TANC2: variants seen among roughly 807,000 people sequenced by gnomAD.
TANC2 encodes the protein protein TANC2.
A neutral mutation model predicts 210.5 loss-of-function variants in TANC2; 26 were observed. The ratio of observed to expected loss-of-function variants is 0.12; its 90% CI spans 0.09 to 0.17. The LOEUF is 0.17. Among genes scored for constraint, TANC2 ranks in the 10% least tolerant of loss-of-function variants. The pLI, the probability that TANC2 is intolerant of heterozygous loss-of-function variation, is 1.00. For synonymous variants in TANC2, 931 were observed against 967.1 expected, an observed-to-expected ratio of 0.96 and a Z score of 0.69; for missense variants, 2,129 against 2,608.9, an observed-to-expected ratio of 0.82 and a Z score of 4.01.
chr17:63,314,357 C>G (rs772878165), intron 9 of TANC2, 31 bp from the exon 10 acceptor site: 1 of 1,606,436 alleles, frequency 6.2e-7, no homozygotes, highest in Non-Finnish European at 8.5e-7. Flanking sequence ...GACAGTTTGA[C>G]CTAAGTTCTG....
In TANC2 at chr17:63,027,848, T is replaced by C. The variant is rs2034618091; in HGVS notation, c.67+18222T>C. Among the ~76,000 whole-genome samples the C allele has an allele frequency of 1.3e-5, 2 of 152,146 alleles. 1 individual carries two copies. The highest frequency in any genetic ancestry group is 4.8e-5 in the African/African-American group (2 of 41,444). On this transcript the variant is annotated intron_variant, in intron 2 of 27. Coordinates refer to ENST00000689528, the Ensembl canonical transcript of TANC2. ...GGAAGCATCTTTCTTACATATTTTA[T>C]TCCTTACGTTAAAGAAACTCAGTAA... is the stretch of plus-strand genomic sequence containing the variant.
At chr17:62,972,912 A>G (rs915219654) in intron 1 of TANC2, among the ~76,000 whole-genome samples, 1 of 151,982 alleles carries the variant, frequency 6.6e-6, no homozygotes, top group Non-Finnish European at 1.5e-5. Context: ...CACAGCCATC[A>G]TGCGTTAGCC....
intron 9 of TANC2, among the ~76,000 whole-genome samples, chr17:63,294,506 C>T (rs980405516): frequency 1.3e-5 from 2 of 151,980 alleles, no homozygotes; most frequent in African/African-American, 2.4e-5. Flanking sequence ...AACTGCCTTC[C>T]CAAGTTTATC....
At chr17:63,124,902 C>T (rs1043910076) in intron 4 of TANC2, among the ~76,000 whole-genome samples, 2 of 152,180 alleles carry the variant, frequency 1.3e-5, no homozygotes, top group African/African-American at 4.8e-5. Context: ...GGAACAGTTA[C>T]ATCTCAAAAC....
Position 63,208,981 on chromosome 17 carries a change from T to G in TANC2, c.769+8024T>G, listed in dbSNP as rs146445143. 2.2e-3 allele frequency among the ~76,000 whole-genome samples: 328 copies of G among 152,202 alleles called. 5 individuals carry two copies. Among genetic ancestry groups the G allele is most frequent in the Non-Finnish European group, 8.7e-4 (59 of 67,990 alleles). On this transcript the variant is annotated intron_variant, in intron 7 of 27. Coordinates refer to ENST00000689528, the Ensembl canonical transcript of TANC2. ...ACCTATCCTTATATCATGTATTATT[T>G]ATTGATTGATTGATTTCTTCCTAAT...
At chr17:63,277,970 G>A (rs1024955596) in intron 9 of TANC2, among the ~76,000 whole-genome samples, 5 of 152,022 alleles carry the variant, frequency 3.3e-5, no homozygotes, top group Admixed American at 1.3e-4. Flanking sequence ...CTAGGAATTC[G>A]AGACCAGCCT....
chr17:63,359,405 G>A (rs1251076660), intron 14 of TANC2, among the ~76,000 whole-genome samples: 1 of 150,232 alleles, frequency 6.7e-6, no homozygotes, highest in African/African-American at 2.5e-5. Flanking sequence ...GTGCAGTGAT[G>A]CGATTTCACA....
chr17:63,042,183 T>C (rs900752955), intron 2 of TANC2, among the ~76,000 whole-genome samples: 3 of 152,130 alleles, frequency 2.0e-5, no homozygotes, highest in South Asian at 4.1e-4. Flanking sequence ...AAAATTCTTA[T>C]ATTTAAATGG....
At chr17:63,341,538 A>G (rs569529709) in intron 12 of TANC2, among the ~76,000 whole-genome samples, 1 of 152,330 alleles carries the variant, frequency 6.6e-6, no homozygotes, top group East Asian at 1.9e-4. Flanking sequence ...CACACTTACA[A>G]AATAATAAAA....
intron 14 of TANC2, among the ~76,000 whole-genome samples, chr17:63,370,345 A>T (rs1418754657): frequency 6.6e-6 from 1 of 151,576 alleles, no homozygotes; most frequent in Admixed American, 6.6e-5. Context: ...CTCCCGGCTA[A>T]TTTTTTGTAT....
chr17:63,405,319 G>A (rs946463158), intron 20 of TANC2, 64 bp downstream of exon 20: 7 of 1,450,712 alleles, frequency 4.8e-6, no homozygotes, highest in Non-Finnish European at 6.5e-6. Flanking sequence ...GACTTCTGAT[G>A]CACAGAGCAA....
At chr17:63,186,414 G>A (rs923034372) in intron 5 of TANC2, among the ~76,000 whole-genome samples, 14 of 145,946 alleles carry the variant, frequency 9.6e-5, no homozygotes, top group African/African-American at 2.8e-4. Flanking sequence ...GTGCAATGGC[G>A]CAACCTCGGC....
chr17:63,306,722 A>G (rs956965233), intron 9 of TANC2, among the ~76,000 whole-genome samples: 1 of 152,192 alleles, frequency 6.6e-6, no homozygotes. Flanking sequence ...TGGGAGGCCA[A>G]GGTAAGATCA....
chr17:63,362,144 A>G (rs2046978833), intron 14 of TANC2, among the ~76,000 whole-genome samples: 1 of 152,188 alleles, frequency 6.6e-6, no homozygotes, highest in Non-Finnish European at 1.5e-5. Context: ...TGGAATGGGT[A>G]GCTCCTATCT....
chr17:63,222,263 T>C (rs2042213792), intron 7 of TANC2, among the ~76,000 whole-genome samples: 1 of 152,174 alleles, frequency 6.6e-6, no homozygotes, highest in African/African-American at 2.4e-5. Flanking sequence ...CCTTGGGGGT[T>C]AGAATTTCAA....
Position 63,167,508 on chromosome 17 carries a change from G to A in TANC2, c.433+16128G>A, listed in dbSNP as rs116045980. On this transcript the variant is annotated intron_variant, in intron 5 of 27. Coordinates refer to ENST00000689528, the Ensembl canonical transcript of TANC2. ...CTGGCTTAATTTTTGCTTATCTTTAGTTCAGTGGTTCTTAATTTTTATGGT... is the reference window on the plus strand; with the variant it reads ...CTGGCTTAATTTTTGCTTATCTTTAATTCAGTGGTTCTTAATTTTTATGGT... 8.5e-3 allele frequency among the ~76,000 whole-genome samples: 1,295 copies of A among 152,010 alleles called. 16 individuals are homozygous for A. Among genetic ancestry groups the A allele is most frequent in the African/African-American group, 0.029 (1,186 of 41,452 alleles).
At chr17:63,160,791 A>T (rs1045772899) in intron 5 of TANC2, among the ~76,000 whole-genome samples, 2 of 152,144 alleles carry the variant, frequency 1.3e-5, no homozygotes, top group African/African-American at 4.8e-5. Flanking sequence ...ACTTTCACCA[A>T]TACTACATAT....
Position 63,418,146 on chromosome 17 carries a change from A to G in TANC2, c.4168-161A>G, listed in dbSNP as rs1220362271. Among the ~76,000 whole-genome samples the G allele has an allele frequency of 6.6e-6, 1 of 152,270 alleles. No homozygotes were observed. The highest frequency in any genetic ancestry group is 1.5e-5 in the Non-Finnish European group (1 of 68,046). On this transcript the variant is annotated intron_variant, in intron 26 of 27. Coordinates refer to ENST00000689528, the Ensembl canonical transcript of TANC2. This position sits in a 1 kb window ranked among gnomAD's most constrained non-coding sequence, Gnocchi z 4.6. Reference sequence around the variant, plus strand: ...CAGGACAAAGGCAGAAGGAACTTTCAGTCCACAGGCCACGCGGCTTGAGCC... The same window carrying G: ...CAGGACAAAGGCAGAAGGAACTTTCGGTCCACAGGCCACGCGGCTTGAGCC...
At chr17:63,224,451 C>T (rs940857028) in intron 7 of TANC2, among the ~76,000 whole-genome samples, 2 of 152,118 alleles carry the variant, frequency 1.3e-5, no homozygotes, top group African/African-American at 2.4e-5. Flanking sequence ...GAGGTTTCAC[C>T]GTGTTGGCCA....
Sources: gnomAD v4.1 joint callset for allele counts (sites outside exome capture counted in the v4.1 genomes callset) on GRCh38, gnomAD v4.1.1 for gene constraint, Gnocchi (gnomAD v3.1) non-coding constraint, MANE v1.5 for transcripts, NCBI Gene and HGNC (gene_info 2026-07-23, HGNC 2026-07-21) for gene names.